Variants in DAB2IP observed in about 807,000 individuals in gnomAD.
DAB2IP encodes disabled homolog 2-interacting protein.
In DAB2IP, 28 loss-of-function variants were observed where a neutral mutation model predicts 107.2. The observed-to-expected ratio is 0.26, with a 90% CI of 0.19 to 0.36. DAB2IP has a LOEUF of 0.36. DAB2IP is among the 10% of genes least tolerant of loss of function. DAB2IP has a pLI of 1.00. For synonymous variants in DAB2IP, 755 were observed against 706.4 expected (o/e 1.07, Z -1.09); for missense variants, 1,400 against 1,644.7 (o/e 0.85, Z 2.57).
At chr9:121,572,426 A>AATG (rs1564677989) in intron 1 of DAB2IP, among the ~76,000 whole-genome samples, 10 of 142,050 alleles carry the variant, frequency 7.0e-5, no homozygotes, top group African/African-American at 1.6e-4. Context: ...ATGAATGAAT[A>AATG]AGTGAGCGAG....
At chr9:121,677,391 G>A (rs1179778930) in intron 1 of DAB2IP, among the ~76,000 whole-genome samples, 2 of 152,148 alleles carry the variant, frequency 1.3e-5, no homozygotes, top group African/African-American at 2.4e-5. Context: ...GTGTGTTGGG[G>A]TGTGCCTGTG....
intron 3 of DAB2IP, among the ~76,000 whole-genome samples, chr9:121,738,565 A>G (rs1362584405): frequency 6.6e-6 from 1 of 152,116 alleles, no homozygotes. Flanking sequence ...AGCCTCCCTA[A>G]CTTCTCAGGC....
intron 3 of DAB2IP, among the ~76,000 whole-genome samples, chr9:121,705,774 C>T (rs1330821760): frequency 1.3e-5 from 2 of 152,230 alleles, no homozygotes; most frequent in African/African-American, 2.4e-5. Context: ...CCAGGCCTGA[C>T]AGGTGCCATG....
chr9:121,763,962 G>A, intron 8 of DAB2IP, 83 bp downstream of exon 8: 2 of 1,556,478 alleles, frequency 1.3e-6, no homozygotes, highest in Non-Finnish European at 1.7e-6. Context: ...TGTGCCTGAT[G>A]CTGCCTGGCC....
chr9:121,629,885 A>C (rs1165039228), intron 1 of DAB2IP, among the ~76,000 whole-genome samples: 2 of 152,202 alleles, frequency 1.3e-5, no homozygotes, highest in African/African-American at 4.8e-5. Flanking sequence ...CCTCTCAGCC[A>C]GGGCTTCTTA....
At chr9:121,641,970 C>T (rs62572760) in intron 1 of DAB2IP, among the ~76,000 whole-genome samples, 27,142 of 103,824 alleles carry the variant, frequency 0.26, 4,384 homozygotes, top group South Asian at 0.44. Flanking sequence ...TTCTCTCTCT[C>T]TCTTTCTTTC....
At chr9:121,693,857 A>T (rs1307550044) in intron 2 of DAB2IP, among the ~76,000 whole-genome samples, 4 of 152,248 alleles carry the variant, frequency 2.6e-5, no homozygotes, top group African/African-American at 9.6e-5. Flanking sequence ...CATGTTGCTC[A>T]GTGCTTCGTA....
At position 121,699,362 on chromosome 9, in the gene DAB2IP, G is replaced by C; in HGVS notation, c.266G>C (p.Arg89Pro). Residue 89 changes from arginine to proline, a missense_variant, in exon 3 of 16, where the codon CGC becomes CCC. Physicochemically the swap from Arg to Pro is moderately radical, Grantham distance 103. Coordinates refer to ENST00000408936, the Ensembl canonical transcript of DAB2IP. The surrounding 1 kb of genome is among the most constrained non-coding windows in gnomAD (Gnocchi z 6.2). The stretch of plus-strand genomic sequence containing the variant: ...CGCCGCCTCAAGGGCTCCATCAAGC[G>C]CACCAAGAGCCAGCCCAAGCTGGAC... 1 of 1,465,060 alleles carries C rather than the reference G, an allele frequency of 6.8e-7. No homozygotes were observed. Among genetic ancestry groups the C allele is most frequent in the Non-Finnish European group, 9.1e-7 (1 of 1,096,636 alleles). 90.8% of individuals were successfully genotyped at this position (1,465,060 alleles called of 1,614,324 possible).
chr9:121,572,780 A>AGG (rs1210282585), intron 1 of DAB2IP, among the ~76,000 whole-genome samples: 1 of 150,470 alleles, frequency 6.6e-6, no homozygotes, highest in Non-Finnish European at 1.5e-5. Context: ...TGACTCGTAC[A>AGG]GGAGCGGGGG....
intron 3 of DAB2IP, among the ~76,000 whole-genome samples, chr9:121,729,286 G>A (rs1485390047): frequency 2.6e-5 from 4 of 152,200 alleles, no homozygotes; most frequent in Non-Finnish European, 4.4e-5. Context: ...GGGGACACTT[G>A]ACATGTGTTC....
In DAB2IP at chr9:121,634,715, C is replaced by A. The variant is rs1469682470; in HGVS notation, c.41-43963C>A. On this transcript the variant is annotated intron_variant, in intron 1 of 16. Coordinates refer to the DAB2IP transcript ENST00000259371. The surrounding 1 kb of genome is among the most constrained non-coding windows in gnomAD (Gnocchi z 4.7). The stretch of plus-strand genomic sequence containing the variant: ...CCGGGAGATGTAACTGGGTAGCCTA[C>A]CCAGACCCCTGGCCCTGGTGGTCTA... 6.6e-6 allele frequency among the ~76,000 whole-genome samples: 1 copy of A among 152,158 alleles called. No individual in the cohort carries two copies. The highest frequency in any genetic ancestry group is 1.5e-5 in the Non-Finnish European group (1 of 68,030).
At chr9:121,594,352 C>T (rs913959148) in intron 1 of DAB2IP, among the ~76,000 whole-genome samples, 1 of 151,220 alleles carries the variant, frequency 6.6e-6, no homozygotes, top group Non-Finnish European at 1.5e-5. Flanking sequence ...GTTCTCCTGT[C>T]TCAGCCTCCC....
chr9:121,749,580 G>T (rs1230484071), intron 3 of DAB2IP, among the ~76,000 whole-genome samples: 1 of 152,226 alleles, frequency 6.6e-6, no homozygotes, highest in South Asian at 2.1e-4. Context: ...ACACAGGCTG[G>T]TGGGCTGGAG....
chr9:121,573,492 C>A (rs1829997124), intron 1 of DAB2IP, among the ~76,000 whole-genome samples: 1 of 152,076 alleles, frequency 6.6e-6, no homozygotes, highest in Non-Finnish European at 1.5e-5. Context: ...TCAAGCAATT[C>A]TCCTGCCTCA....
intron 1 of DAB2IP, among the ~76,000 whole-genome samples, chr9:121,668,365 G>A (rs1263989965): frequency 1.3e-5 from 2 of 150,896 alleles, no homozygotes; most frequent in Non-Finnish European, 2.9e-5. Context: ...AGCCTCCCAA[G>A]TGGCTAGGAT....
At chr9:121,695,352 G>A (rs530078420) in intron 2 of DAB2IP, among the ~76,000 whole-genome samples, 1 of 152,162 alleles carries the variant, frequency 6.6e-6, no homozygotes, top group African/African-American at 2.4e-5. Context: ...ATCAGTATTG[G>A]TTGCAATAAA....
intron 1 of DAB2IP, among the ~76,000 whole-genome samples, chr9:121,631,540 C>T (rs1365625506): frequency 1.3e-5 from 2 of 151,846 alleles, no homozygotes; most frequent in Admixed American, 6.6e-5. Context: ...GCTTGCGGCC[C>T]GACGCGGTGG....
intron 2 of DAB2IP, among the ~76,000 whole-genome samples, chr9:121,685,734 G>A (rs1219764510): frequency 1.3e-5 from 2 of 152,260 alleles, no homozygotes; most frequent in African/African-American, 4.8e-5. Flanking sequence ...AGGATACAAA[G>A]AGGATGAAAA....
intron 1 of DAB2IP, among the ~76,000 whole-genome samples, chr9:121,663,841 A>G (rs929344421): frequency 1.3e-5 from 2 of 152,206 alleles, no homozygotes; most frequent in African/African-American, 4.8e-5. Context: ...CTGTCTTCTC[A>G]CTCATCTCTG....
Sources: gnomAD v4.1 joint callset for allele counts (sites outside exome capture counted in the v4.1 genomes callset) on GRCh38, gnomAD v4.1.1 for gene constraint, Gnocchi (gnomAD v3.1) non-coding constraint, MANE v1.5 for transcripts, NCBI Gene and HGNC (gene_info 2026-07-23, HGNC 2026-07-21) for gene names.